Variants in R3HDM2 observed in about 807,000 individuals in gnomAD.
R3HDM2 encodes the protein R3H domain-containing protein 2.
Under a neutral mutation model 124.5 loss-of-function variants are expected in R3HDM2, and 38 were observed. The observed-to-expected ratio is 0.31, with a 90% CI of 0.24 to 0.40. The LOEUF is 0.40. Ranked by LOEUF, R3HDM2 falls within the 10% of genes least tolerant of loss-of-function variation. R3HDM2 has a pLI of 1.00. For missense variants in R3HDM2, 869 were observed against 1,236.9 expected, an observed-to-expected ratio of 0.70 and a Z score of 4.46; for synonymous variants, 391 against 448.0, an observed-to-expected ratio of 0.87 and a Z score of 1.61.
chr12:57,255,099 G>C lies in R3HDM2; in HGVS notation c.2647C>G (p.Leu883Val). The change falls in exon 24 of 24, where the codon CTG (leucine) becomes GTG (valine). Residue 883 changes from leucine (L) to valine (V), a missense_variant. By Grantham distance (32) the Leu-to-Val change is conservative. Around this residue, in one of 2 missense-constraint regions of R3HDM2, gnomAD observed 602 missense variants for 789.2 expected, o/e 0.76. Transcript: ENST00000402412. ...CCCTCAGGGAGATCTGTCACCTCCA[G>C]CACCCGCCCCAGGACTGGAAGGGGA... ...GTADVVLGRV[L>V]EVTDLPEGIT... is the part of the protein sequence containing the mutation. The C allele has an allele frequency of 6.3e-7, 1 of 1,590,712 alleles. No homozygotes were observed. The highest frequency in any genetic ancestry group is 8.6e-7 in the Non-Finnish European group (1 of 1,166,866).
At chr12:57,374,450 G>A (rs1000984041) in intron 2 of R3HDM2, among the ~76,000 whole-genome samples, 2 of 151,728 alleles carry the variant, frequency 1.3e-5, no homozygotes, top group Non-Finnish European at 2.9e-5. Context: ...AGCACTTTGG[G>A]AGGTCAAGGC....
intron 2 of R3HDM2, among the ~76,000 whole-genome samples, chr12:57,376,126 C>T (rs1446286183): frequency 6.6e-6 from 1 of 152,218 alleles, no homozygotes; most frequent in East Asian, 1.9e-4. Context: ...ATTCTGGGTC[C>T]TTCATTGAAG....
chr12:57,401,486 C>G (rs1356158802), intron 1 of R3HDM2, among the ~76,000 whole-genome samples: 1 of 152,154 alleles, frequency 6.6e-6, no homozygotes, highest in Non-Finnish European at 1.5e-5. Context: ...ATGAGTGAGC[C>G]CAGCCAAAAC....
At chr12:57,398,187 A>G (rs1416350321) in intron 1 of R3HDM2, among the ~76,000 whole-genome samples, 2 of 151,820 alleles carry the variant, frequency 1.3e-5, no homozygotes, top group Admixed American at 6.6e-5. Flanking sequence ...GCCTAGGCAA[A>G]AGAGCGAGAC....
At chr12:57,353,730 C>G (rs1192390978) in intron 2 of R3HDM2, among the ~76,000 whole-genome samples, 1 of 151,944 alleles carries the variant, frequency 6.6e-6, no homozygotes, top group African/African-American at 2.4e-5. Flanking sequence ...CAATTTTTAA[C>G]TATTACAAAT....
At chr12:57,328,074 CTTT>C (rs71084742) in intron 2 of R3HDM2, among the ~76,000 whole-genome samples, 16 of 143,638 alleles carry the variant, frequency 1.1e-4, no homozygotes, top group Admixed American at 2.1e-4. Flanking sequence ...TTCACGTTAT[CTTT>C]TTTTTTTTTT....
chr12:57,417,056 T>C (rs924865855), intron 1 of R3HDM2, among the ~76,000 whole-genome samples: 9 of 151,488 alleles, frequency 5.9e-5, no homozygotes, highest in African/African-American at 2.2e-4. Flanking sequence ...AGGCGGAGGT[T>C]GCAGTGAGCC....
intron 14 of R3HDM2, among the ~76,000 whole-genome samples, chr12:57,273,015 C>T (rs911298373): frequency 6.6e-6 from 1 of 152,322 alleles, no homozygotes; most frequent in South Asian, 2.1e-4. Flanking sequence ...ACTGCTTCTG[C>T]AGGAAGGGTC....
intron 14 of R3HDM2, among the ~76,000 whole-genome samples, chr12:57,270,757 C>G (rs1031920836): frequency 6.6e-6 from 1 of 151,876 alleles, no homozygotes. Context: ...TTAGTAGAGA[C>G]GGGATTTCAC....
rs933253909 is a variant in R3HDM2, at chr12:57,430,826, G to A, written c.-212C>T. On this transcript the variant is annotated 5_prime_UTR_variant, in exon 1 of 24. Transcript: ENST00000402412. ...CGACGGCCGGCGGCGGCGCGCTTCTGGGGGCGGGCTTTTCTCGGCCGGGGC... is the reference window on the plus strand; with the variant it reads ...CGACGGCCGGCGGCGGCGCGCTTCTAGGGGCGGGCTTTTCTCGGCCGGGGC... 1.3e-5 allele frequency: 2 copies of A among 148,894 alleles called. No homozygotes were observed. Among genetic ancestry groups the A allele is most frequent in the Non-Finnish European group, 3.0e-5 (2 of 66,658 alleles). 9.2% of individuals were successfully genotyped at this position (148,894 alleles called of 1,614,324 possible).
chr12:57,309,500 G>C (rs957248326), intron 3 of R3HDM2, among the ~76,000 whole-genome samples: 19 of 152,278 alleles, frequency 1.2e-4, no homozygotes, highest in African/African-American at 4.3e-4. Flanking sequence ...TGAAAAACAT[G>C]GCAAACAAAG....
At chr12:57,386,076 C>A (rs552227413) in intron 2 of R3HDM2, among the ~76,000 whole-genome samples, 1 of 152,336 alleles carries the variant, frequency 6.6e-6, no homozygotes, top group South Asian at 2.1e-4. Flanking sequence ...TTTGTTGCTG[C>A]TGTTTTGTAA....
chr12:57,337,997 C>T, intron 2 of R3HDM2, among the ~76,000 whole-genome samples: 1 of 152,120 alleles, frequency 6.6e-6, no homozygotes, highest in East Asian at 1.9e-4. Flanking sequence ...CTGCAGGTTT[C>T]TTTATACTTA....
At chr12:57,303,109 T>C in intron 4 of R3HDM2, 67 bp downstream of exon 4, 1 of 1,370,764 alleles carries the variant, frequency 7.3e-7, no homozygotes, top group South Asian at 1.3e-5. Flanking sequence ...TAGATATTCA[T>C]GACAAGTCTA....
intron 2 of R3HDM2, among the ~76,000 whole-genome samples, chr12:57,327,480 A>G (rs1364504774): frequency 6.6e-6 from 1 of 151,980 alleles, no homozygotes; most frequent in East Asian, 1.9e-4. Flanking sequence ...AAAAAAAAAA[A>G]AAAGAAATAC....
At chr12:57,334,831 C>T (rs1480690452) in intron 2 of R3HDM2, among the ~76,000 whole-genome samples, 1 of 152,026 alleles carries the variant, frequency 6.6e-6, no homozygotes, top group Non-Finnish European at 1.5e-5. Flanking sequence ...ATACGGAGAG[C>T]TAAAGACTTT....
At chr12:57,264,011 G>A (rs1367407519) in intron 19 of R3HDM2, among the ~76,000 whole-genome samples, 8 of 152,122 alleles carry the variant, frequency 5.3e-5, no homozygotes, top group Non-Finnish European at 8.8e-5. Context: ...ACTTCCTGCC[G>A]AGGTGGGCAG....
chr12:57,282,171 C>T (rs1325062943), intron 13 of R3HDM2, among the ~76,000 whole-genome samples: 5 of 151,802 alleles, frequency 3.3e-5, no homozygotes, highest in Non-Finnish European at 7.4e-5. Flanking sequence ...ATTAGCCGGC[C>T]GTGGTGGCGG....
intron 2 of R3HDM2, among the ~76,000 whole-genome samples, chr12:57,368,340 G>A (rs1385054728): frequency 6.6e-6 from 1 of 152,182 alleles, no homozygotes; most frequent in Non-Finnish European, 1.5e-5. Context: ...AGCACGGTAT[G>A]TAGTAAAGAA....
Sources: allele counts gnomAD v4.1 joint callset (sites outside exome capture counted in the v4.1 genomes callset), GRCh38; gene constraint gnomAD v4.1.1; regional missense constraint gnomAD v4.1.1; transcripts MANE v1.5; gene names NCBI Gene and HGNC (gene_info 2026-07-23, HGNC 2026-07-21).